TMEM132C: variants seen among roughly 807,000 people sequenced by gnomAD.
The protein encoded by TMEM132C is protein phosphatase 1, regulatory subunit 152.
Under a neutral mutation model 61.4 loss-of-function variants are expected in TMEM132C, and 29 were observed. That is an observed-to-expected ratio of 0.47 (90% CI 0.35 to 0.64). The LOEUF is 0.64. TMEM132C is among the 30% of genes least tolerant of loss of function. The pLI, the probability that TMEM132C is intolerant of heterozygous loss-of-function variation, is 0.00. For missense variants in TMEM132C, 1,408 were observed against 1,476.9 expected (o/e 0.95, Z 0.76); for synonymous variants, 656 against 633.1 (o/e 1.04, Z -0.54).
chr12:128,314,871 T>G (rs1003215420), intron 1 of TMEM132C, among the ~76,000 whole-genome samples: 3 of 152,196 alleles, frequency 2.0e-5, no homozygotes, highest in Admixed American at 1.3e-4. Flanking sequence ...GTGGGCCCTT[T>G]GTTAGGCAGC....
intron 1 of TMEM132C, among the ~76,000 whole-genome samples, chr12:128,287,152 G>A (rs1871101306): frequency 6.6e-6 from 1 of 152,162 alleles, no homozygotes; most frequent in African/African-American, 2.4e-5. Flanking sequence ...AGTGTCCTGT[G>A]CAGGGCTAGA....
chr12:128,376,759 G>A (rs1448973768), intron 1 of TMEM132C, among the ~76,000 whole-genome samples: 1 of 152,218 alleles, frequency 6.6e-6, no homozygotes, highest in Non-Finnish European at 1.5e-5. Flanking sequence ...AAAAGAAGAA[G>A]CAGTCTCCTT....
chr12:128,447,569 A>T (rs1870023938), intron 2 of TMEM132C, among the ~76,000 whole-genome samples: 1 of 152,206 alleles, frequency 6.6e-6, no homozygotes, highest in Non-Finnish European at 1.5e-5. Context: ...CCCATTTCTC[A>T]GGTGTAAATA....
chr12:128,601,579 A>C (rs1284910670), intron 3 of TMEM132C, among the ~76,000 whole-genome samples: 1 of 148,868 alleles, frequency 6.7e-6, no homozygotes, highest in African/African-American at 2.4e-5. Context: ...GTCATGAATA[A>C]GTGAGCCATG....
At chr12:128,703,207 T>G (rs1259687097) in intron 8 of TMEM132C, among the ~76,000 whole-genome samples, 1 of 152,202 alleles carries the variant, frequency 6.6e-6, no homozygotes, top group Admixed American at 6.5e-5. Flanking sequence ...GCTACACTTG[T>G]GTCATGGGGG....
At chr12:128,612,260 A>G (rs1167524815) in intron 3 of TMEM132C, among the ~76,000 whole-genome samples, 2 of 152,032 alleles carry the variant, frequency 1.3e-5, no homozygotes, top group Admixed American at 6.6e-5. Flanking sequence ...GAGATCTCCA[A>G]CTCCCTGAAA....
intron 8 of TMEM132C, among the ~76,000 whole-genome samples, chr12:128,698,554 C>A (rs1010569462): frequency 6.6e-6 from 1 of 152,210 alleles, no homozygotes; most frequent in Non-Finnish European, 1.5e-5. Flanking sequence ...AGTCCATTTG[C>A]AAATTAAATT....
At chr12:128,611,439 AG>A (rs1377010822) in intron 3 of TMEM132C, among the ~76,000 whole-genome samples, 3 of 152,082 alleles carry the variant, frequency 2.0e-5, no homozygotes, top group Non-Finnish European at 4.4e-5. Context: ...ATCTGATTGG[AG>A]GTGCTCTCAT....
intron 3 of TMEM132C, among the ~76,000 whole-genome samples, chr12:128,556,856 G>T (rs1041106644): frequency 3.9e-5 from 6 of 152,114 alleles, no homozygotes; most frequent in Non-Finnish European, 7.3e-5. Flanking sequence ...GACAGCAACT[G>T]CATGAGAGAC....
intron 2 of TMEM132C, among the ~76,000 whole-genome samples, chr12:128,443,810 C>T (rs545184588): frequency 6.6e-6 from 1 of 152,314 alleles, no homozygotes; most frequent in African/African-American, 2.4e-5. Context: ...ATTGCTGTTC[C>T]AGCTGCCCGG....
At chr12:128,281,265 C>G (rs1042197956) in intron 1 of TMEM132C, among the ~76,000 whole-genome samples, 1 of 152,108 alleles carries the variant, frequency 6.6e-6, no homozygotes, top group Non-Finnish European at 1.5e-5. Flanking sequence ...AAGAGGTGGC[C>G]CGAGTGCCAG....
chr12:128,388,805 C>T (rs1382564602), intron 1 of TMEM132C, among the ~76,000 whole-genome samples: 2 of 152,250 alleles, frequency 1.3e-5, no homozygotes, highest in Admixed American at 6.5e-5. Context: ...TTGTTTATTT[C>T]GGTTGCCCTA....
intron 1 of TMEM132C, among the ~76,000 whole-genome samples, chr12:128,297,708 T>C (rs1871456221): frequency 6.6e-6 from 1 of 152,166 alleles, no homozygotes; most frequent in Non-Finnish European, 1.5e-5. Flanking sequence ...TTCCAGGATT[T>C]GGTATCTCTT....
intron 1 of TMEM132C, among the ~76,000 whole-genome samples, chr12:128,303,321 G>A (rs1201807928): frequency 2.0e-5 from 3 of 152,192 alleles, no homozygotes; most frequent in Non-Finnish European, 4.4e-5. Flanking sequence ...GTTGTGCCTT[G>A]CATTTCCCTT....
chr12:128,506,282 C>G (rs926173843), intron 2 of TMEM132C, among the ~76,000 whole-genome samples: 1 of 152,226 alleles, frequency 6.6e-6, no homozygotes, highest in Non-Finnish European at 1.5e-5. Context: ...TCCTGCAGAT[C>G]TGCTTTCCAG....
At chr12:128,290,995 A>C in intron 1 of TMEM132C, among the ~76,000 whole-genome samples, 1 of 152,190 alleles carries the variant, frequency 6.6e-6, no homozygotes, top group East Asian at 1.9e-4. Flanking sequence ...ATGGAAGTTT[A>C]CATCTTTTCC....
At chr12:128,670,545 C>A (rs769004332) in intron 5 of TMEM132C, among the ~76,000 whole-genome samples, 11 of 152,154 alleles carry the variant, frequency 7.2e-5, no homozygotes, top group Non-Finnish European at 1.3e-4. Flanking sequence ...CTGTGCCTGG[C>A]TTACTTCACT....
At chr12:128,616,894 T>C (rs1404977794) in intron 4 of TMEM132C, among the ~76,000 whole-genome samples, 1 of 152,192 alleles carries the variant, frequency 6.6e-6, no homozygotes, top group Non-Finnish European at 1.5e-5. Flanking sequence ...GTTAGTAGTG[T>C]ACACTGATGA....
intron 3 of TMEM132C, among the ~76,000 whole-genome samples, chr12:128,552,778 C>T (rs1386062537): frequency 2.0e-5 from 3 of 152,134 alleles, no homozygotes; most frequent in South Asian, 2.1e-4. Context: ...CATGGTGGTG[C>T]GTGCCTGTAA....
Sources: allele counts gnomAD v4.1 joint callset (sites outside exome capture counted in the v4.1 genomes callset), GRCh38; gene constraint gnomAD v4.1.1; transcripts MANE v1.5; gene names NCBI Gene and HGNC (gene_info 2026-07-23, HGNC 2026-07-21).